The following TCF4 variants were observed in gnomAD, a reference collection of about 807,000 sequenced individuals.
The protein encoded by TCF4 is SL3-3 enhancer factor 2.
Under a neutral mutation model 82.1 loss-of-function variants are expected in TCF4, and 3 were observed. The ratio of observed to expected loss-of-function variants is 0.04; its 90% confidence interval spans 0.02 to 0.09. The LOEUF (loss-of-function observed/expected upper bound fraction) is 0.09, where lower values mean the gene tolerates loss of function less well. Ranked by LOEUF, TCF4 falls within the 10% of genes least tolerant of loss-of-function variation. The probability of loss-of-function intolerance (pLI) is 1.00; values close to 1 mark genes in which losing one functional copy is unlikely to be tolerated. For synonymous variants in TCF4, 276 were observed against 309.6 expected (o/e 0.89, Z 1.14); for missense variants, 518 against 852.7 (o/e 0.61, Z 4.89).
At chr18:55,351,038 G>C (rs747094844) in intron 6 of TCF4, 35 bp from the exon 7 acceptor site, 1 of 1,612,034 alleles carries the variant, frequency 6.2e-7, no homozygotes, top group Admixed American at 1.7e-5. Context: ...AACATATAAG[G>C]TTAATTTTTT....
chr18:55,587,719 T>C (rs1200170228), intron 1 of TCF4, among the ~76,000 whole-genome samples: 2 of 150,530 alleles, frequency 1.3e-5, no homozygotes, highest in African/African-American at 2.4e-5. Flanking sequence ...GGTGACAGGG[T>C]TGGGGGGAGC....
chr18:55,543,039 C>G (rs1361383026), intron 3 of TCF4, among the ~76,000 whole-genome samples: 1 of 152,028 alleles, frequency 6.6e-6, no homozygotes, highest in Non-Finnish European at 1.5e-5. Context: ...CTGACTGTTC[C>G]CATTTTACAG....
chr18:55,429,485 G>A lies in TCF4; in HGVS notation c.305-25967C>T, dbSNP rs550456407. Reference sequence around the variant, plus strand: ...ACTCCTAAAAAGCCCATTTGGGGCCGAGCACGATGGCTCACGCCTGTAATC... The same window carrying A: ...ACTCCTAAAAAGCCCATTTGGGGCCAAGCACGATGGCTCACGCCTGTAATC... On this transcript the variant is annotated intron_variant, in intron 5 of 19. Coordinates refer to ENST00000354452, the MANE Select transcript of TCF4 (RefSeq NM_001083962.2). 7.2e-5 allele frequency among the ~76,000 whole-genome samples: 11 copies of A among 152,274 alleles called. No individual in the cohort carries two copies. In the East Asian group the frequency reaches 7.7e-4, roughly 11 times the overall value.
chr18:55,234,731 G>A (rs1349304505), intron 15 of TCF4, 48 bp from the exon 16 acceptor site: 14 of 1,612,876 alleles, frequency 8.7e-6, no homozygotes, highest in Non-Finnish European at 1.2e-5. Context: ...CCGGAGGTGC[G>A]ACAGCTATTT....
intron 2 of TCF4, chr18:55,585,918 T>C (rs2097640148): frequency 8.0e-7 from 1 of 1,249,108 alleles, no homozygotes; most frequent in Admixed American, 3.6e-5. Context: ...CCAGCATTTA[T>C]TTCGACCCTA....
rs552720108 is a variant in TCF4, at chr18:55,287,456, C to T, written c.550-7800G>A. Among the ~76,000 whole-genome samples, 151 of 152,312 alleles carry T rather than the reference C, an allele frequency of 9.9e-4. 1 individual carries two copies. Among genetic ancestry groups the T allele is most frequent in the African/African-American group, 3.2e-3 (134 of 41,552 alleles). On this transcript the variant is annotated intron_variant, in intron 8 of 19. Transcript: ENST00000354452. ...CTTCTCATTCACCAAATTTCCTTTC[C>T]CGTTTTAGGAAGTCACAAAACGGTA...
Position 55,580,470 on chromosome 18 carries a change from G to A in TCF4, c.145+4810C>T, listed in dbSNP as rs146547988. The stretch of plus-strand genomic sequence containing the variant: ...ACTATCAACTTACAACAGAATGAAA[G>A]CACAACTTTTAAAATATCTACTGTA... On this transcript the variant is annotated intron_variant, in intron 3 of 19. Transcript: ENST00000354452. Among the ~76,000 whole-genome samples, 68 of 151,916 alleles carry A rather than the reference G, an allele frequency of 4.5e-4. 1 individual carries two copies. In the East Asian group the frequency reaches 0.011, roughly 25 times the overall value.
At chr18:55,592,930 G>C (rs1269994693), upstream of TCF4, among the ~76,000 whole-genome samples, 1 of 152,186 alleles carries the variant, frequency 6.6e-6, no homozygotes, top group South Asian at 2.1e-4. Flanking sequence ...GAGGAGTCCA[G>C]TATTCCCTGT....
At chr18:55,468,908 C>T (rs920760557) in intron 3 of TCF4, among the ~76,000 whole-genome samples, 1 of 139,716 alleles carries the variant, frequency 7.2e-6, no homozygotes, top group East Asian at 2.6e-4. Flanking sequence ...TCTATTGCCA[C>T]CCTTTTTCCA....
chr18:55,565,747 A>G (rs906108035), intron 3 of TCF4, among the ~76,000 whole-genome samples: 8 of 152,184 alleles, frequency 5.3e-5, no homozygotes, highest in African/African-American at 1.9e-4. Flanking sequence ...TAGCATATAT[A>G]CACAATGGAA....
intron 2 of TCF4, chr18:55,586,150 GAGGAGCAGCAGCAGC>G (rs1377776226): frequency 4.9e-6 from 6 of 1,222,906 alleles, no homozygotes; most frequent in African/African-American, 4.8e-5. Context: ...GGAGGAGGAG[GAGGAGCAGCAGCAGC>G]AGCAGCAGCA....
At chr18:55,461,204 T>C in intron 4 of TCF4, 89 bp from the exon 5 acceptor site, 2 of 1,100,762 alleles carry the variant, frequency 1.8e-6, no homozygotes, top group South Asian at 2.7e-5. Context: ...ACTTCTCCCC[T>C]CCAAAGAAAT....
intron 6 of TCF4, among the ~76,000 whole-genome samples, chr18:55,397,723 CTCTTTAGGG>C (rs750537375): frequency 7.1e-4 from 108 of 152,214 alleles, no homozygotes; most frequent in Non-Finnish European, 5.3e-4. Context: ...TACTGTTAAT[CTCTTTAGGG>C]ATAATAACAG....
At chr18:55,411,582 G>A (rs1184022658) in intron 5 of TCF4, among the ~76,000 whole-genome samples, 1 of 152,144 alleles carries the variant, frequency 6.6e-6, no homozygotes, top group African/African-American at 2.4e-5. Flanking sequence ...ATGAGATGGT[G>A]AGTGTGGAGA....
intron 8 of TCF4, among the ~76,000 whole-genome samples, chr18:55,284,988 G>A (rs75638679): frequency 0.022 from 3,352 of 152,314 alleles, 63 homozygotes; most frequent in Non-Finnish European, 0.035. Flanking sequence ...AAGAAGCTGG[G>A]TTGGACCCTC....
intron 8 of TCF4, among the ~76,000 whole-genome samples, chr18:55,331,343 C>G (rs1258705088): frequency 6.6e-6 from 1 of 152,190 alleles, no homozygotes; most frequent in Non-Finnish European, 1.5e-5. Flanking sequence ...GATTCTCCAG[C>G]AAAGTTCAGT....
intron 5 of TCF4, among the ~76,000 whole-genome samples, chr18:55,413,840 T>C (rs554842484): frequency 2.6e-5 from 4 of 152,332 alleles, no homozygotes; most frequent in Non-Finnish European, 5.9e-5. Context: ...TTTTTAATCC[T>C]GAAACTTGCA....
At chr18:55,394,152 T>C (rs1437465206) in intron 6 of TCF4, among the ~76,000 whole-genome samples, 1 of 152,180 alleles carries the variant, frequency 6.6e-6, no homozygotes, top group Non-Finnish European at 1.5e-5. Flanking sequence ...ATTTAATAAC[T>C]TACTGTATAC....
At chr18:55,518,589 A>C (rs1260181290) in intron 3 of TCF4, among the ~76,000 whole-genome samples, 4 of 152,210 alleles carry the variant, frequency 2.6e-5, no homozygotes, top group Non-Finnish European at 5.9e-5. Context: ...AGAATGTTTT[A>C]ATTGCTTTTG....
Sources: allele counts gnomAD v4.1 joint callset (sites outside exome capture counted in the v4.1 genomes callset), GRCh38; gene constraint gnomAD v4.1.1; transcripts MANE v1.5; gene names NCBI Gene and HGNC (gene_info 2026-07-23, HGNC 2026-07-21).